GRAMD1C: variants seen among roughly 807,000 people sequenced by gnomAD.
GRAMD1C encodes the protein GRAM domain containing 1C, also known as protein Aster-C.
Under a neutral mutation model 97.8 loss-of-function variants are expected in GRAMD1C, and 89 were observed. The observed-to-expected ratio is 0.91, with a 90% CI of 0.77 to 1.09. The LOEUF (loss-of-function observed/expected upper bound fraction) is 1.09. Among genes scored for constraint, GRAMD1C ranks in the 50% least tolerant of loss-of-function variants. The probability of loss-of-function intolerance (pLI) is 0.00; values close to 1 mark genes in which losing one functional copy is unlikely to be tolerated. For synonymous variants in GRAMD1C, 256 were observed against 267.0 expected, an observed-to-expected ratio of 0.96 and a Z score of 0.40; for missense variants, 740 against 766.4, an observed-to-expected ratio of 0.97 and a Z score of 0.41.
Position 113,857,656 on chromosome 3 carries a change from A to G in GRAMD1C, c.175-11851A>G, listed in dbSNP as rs527854024. ...CTCCCAAAGTGCTGGGATTACAGGCATGAGCCACCGTGTCCAGCCTGTATT... is the reference window on the plus strand; with the variant it reads ...CTCCCAAAGTGCTGGGATTACAGGCGTGAGCCACCGTGTCCAGCCTGTATT... On this transcript the variant is annotated intron_variant, in intron 2 of 17. Coordinates refer to ENST00000358160, the MANE Select transcript of GRAMD1C (RefSeq NM_017577.5). Among the ~76,000 whole-genome samples, 302 of 152,284 alleles carry G rather than the reference A, an allele frequency of 2.0e-3. 4 individuals carry two copies. In the Middle Eastern group the frequency reaches 0.027, roughly 14 times the overall value.
At chr3:113,844,262 C>G (rs1382857777) in intron 1 of GRAMD1C, among the ~76,000 whole-genome samples, 2 of 151,812 alleles carry the variant, frequency 1.3e-5, no homozygotes, top group Non-Finnish European at 1.5e-5. Context: ...CCATTACACT[C>G]CAGTCTGGGT....
rs3995901 is a variant in GRAMD1C at position 113,857,409 on chromosome 3, T to A, written c.175-12098T>A. On this transcript the variant is annotated intron_variant, in intron 2 of 17. Transcript: ENST00000358160. ...TTTTTTTTTTGAGACGGAGTCTTGCTCTGTCGCCCAGGCTGGGGTGCAGTG... is the reference window on the plus strand; with the variant it reads ...TTTTTTTTTTGAGACGGAGTCTTGCACTGTCGCCCAGGCTGGGGTGCAGTG... 5.4e-5 allele frequency among the ~76,000 whole-genome samples: 8 copies of A among 148,798 alleles called. No individual in the cohort carries two copies. The East Asian group carries it at 8.0e-4, about 15-fold the overall frequency.
intron 7 of GRAMD1C, among the ~76,000 whole-genome samples, chr3:113,903,584 T>C (rs938117422): frequency 6.6e-6 from 1 of 152,206 alleles, no homozygotes; most frequent in Admixed American, 6.5e-5. Context: ...ACATTTATTA[T>C]AGTCTTGGCC....
intron 2 of GRAMD1C, among the ~76,000 whole-genome samples, chr3:113,853,151 T>C (rs1366075883): frequency 6.6e-6 from 1 of 152,126 alleles, no homozygotes; most frequent in African/African-American, 2.4e-5. Flanking sequence ...ACCAGGCAGA[T>C]TTGAAAAAAT....
At chr3:113,910,391 A>G (rs944795220) in intron 9 of GRAMD1C, among the ~76,000 whole-genome samples, 4 of 152,210 alleles carry the variant, frequency 2.6e-5, no homozygotes, top group Admixed American at 2.0e-4. Flanking sequence ...TCAAAAAACA[A>G]AACAAAACAG....
At chr3:113,885,573 T>G in intron 6 of GRAMD1C, 1 of 1,558,542 alleles carries the variant, frequency 6.4e-7, no homozygotes, top group African/African-American at 1.4e-5. Context: ...GCCTCCTGAC[T>G]TCATCCTCAA....
intron 6 of GRAMD1C, among the ~76,000 whole-genome samples, chr3:113,884,737 G>A (rs1287413094): frequency 6.6e-6 from 1 of 151,954 alleles, no homozygotes; most frequent in Non-Finnish European, 1.5e-5. Context: ...TACTCGGGAG[G>A]CTGAGGCAGG....
At chr3:113,859,572 AC>A (rs1934285738) in intron 2 of GRAMD1C, among the ~76,000 whole-genome samples, 1 of 152,196 alleles carries the variant, frequency 6.6e-6, no homozygotes, top group East Asian at 1.9e-4. Flanking sequence ...ACCTTAGAGA[AC>A]CTAGATTAAC....
chr3:113,890,598 G>A (rs999986297), intron 6 of GRAMD1C: 3 of 548,996 alleles, frequency 5.5e-6, no homozygotes, highest in Non-Finnish European at 9.8e-6. Context: ...GTTGCCATAG[G>A]GACCTGGCTA....
chr3:113,915,430 GTA>G (rs1276939606), intron 9 of GRAMD1C, among the ~76,000 whole-genome samples: 1 of 152,026 alleles, frequency 6.6e-6, no homozygotes, highest in Non-Finnish European at 1.5e-5. Flanking sequence ...AAATATTTCT[GTA>G]TCTTTTGGGT....
At chr3:113,838,289 T>G (rs1246154048), upstream of GRAMD1C, 1 of 152,316 alleles carries the variant, frequency 6.6e-6, no homozygotes, top group Non-Finnish European at 1.5e-5. Flanking sequence ...AAGAGTTTCC[T>G]GGCCGGGGGC....
intron 10 of GRAMD1C, among the ~76,000 whole-genome samples, chr3:113,927,179 G>A (rs1358105010): frequency 1.3e-5 from 2 of 151,932 alleles, no homozygotes; most frequent in African/African-American, 4.8e-5. Context: ...AGTATTAGCT[G>A]GCAGATAGGC....
chr3:113,939,197 CAG>C (rs1346517232), intron 15 of GRAMD1C: 4 of 151,978 alleles, frequency 2.6e-5, no homozygotes, highest in African/African-American at 9.7e-5. Context: ...AAAAAGTAGA[CAG>C]ATATGATGCC....
At chr3:113,924,758 G>A (rs1937178946) in intron 10 of GRAMD1C, among the ~76,000 whole-genome samples, 2 of 152,152 alleles carry the variant, frequency 1.3e-5, no homozygotes, top group Admixed American at 6.5e-5. Flanking sequence ...TTTTGGGGTG[G>A]AGAGCTCTGT....
chr3:113,908,880 C>G (rs1029401920), intron 8 of GRAMD1C, 78 bp from the exon 9 acceptor site: 7 of 738,020 alleles, frequency 9.5e-6, no homozygotes, highest in Non-Finnish European at 1.3e-5. Flanking sequence ...TTCAAAGTAT[C>G]TTTAATATTA....
At position 113,930,785 on chromosome 3, in the gene GRAMD1C, C is replaced by T. The variant is rs1395731680; in HGVS notation, c.1162C>T (p.Leu388Phe). 1.2e-6 allele frequency: 2 copies of T among 1,611,206 alleles called. No homozygotes were observed. The highest frequency in any genetic ancestry group is 2.7e-5 in the African/African-American group (2 of 74,860). Reference sequence around the variant, plus strand: ...GAGAACGATGACCTACACTATAGTCCTTAATAGTCCACTTACTGGAAAATG... The same window carrying T: ...GAGAACGATGACCTACACTATAGTCTTTAATAGTCCACTTACTGGAAAATG... Reference protein sequence around the residue: ...QLRTMTYTIVLNSPLTGKCTA... With the variant: ...QLRTMTYTIVFNSPLTGKCTA... The change falls in exon 11 of 18, where the codon CTT becomes TTT. Residue 388 changes from leucine (L) to phenylalanine (F), a missense_variant. Transcript: ENST00000358160.
chr3:113,901,712 C>A (rs1351884492), intron 7 of GRAMD1C, among the ~76,000 whole-genome samples: 1 of 152,086 alleles, frequency 6.6e-6, no homozygotes, highest in African/African-American at 2.4e-5. Flanking sequence ...GATGAGGATT[C>A]ATTTAGAAGA....
Position 113,939,995 on chromosome 3 carries a change from A to C in GRAMD1C, c.1801A>C (p.Asn601His). The C allele has an allele frequency of 1.3e-6, 2 of 1,506,314 alleles. No homozygotes were observed. The highest frequency in any genetic ancestry group is 1.8e-6 in the Non-Finnish European group (2 of 1,081,710). 93.3% of individuals were successfully genotyped at this position (1,506,314 alleles called of 1,614,324 possible). ...CCGCCTCCAAGAAGAGAAATCTTTAAAGTAAGTCTTTTTCCCCCTGACCTG... is the reference window on the plus strand; with the variant it reads ...CCGCCTCCAAGAAGAGAAATCTTTACAGTAAGTCTTTTTCCCCCTGACCTG... ...RLRLQEEKSL[N>H]LASDMVSRAE... Residue 601 changes from asparagine (N) to histidine (H), a missense_variant and splice_region_variant, in exon 16 of 18, where the codon AAT (asparagine) becomes CAT (histidine). By Grantham distance (68) the Asn-to-His change is moderately conservative. Coordinates refer to ENST00000358160, the MANE Select transcript of GRAMD1C (RefSeq NM_017577.5).
chr3:113,904,266 A>G lies in GRAMD1C; in HGVS notation c.783A>G (p.Ser261=). The change falls in exon 8 of 18, where the codon TCA becomes TCG. Residue 261 remains serine (S), a synonymous_variant. Coordinates refer to ENST00000358160, the MANE Select transcript of GRAMD1C (RefSeq NM_017577.5). The part of the protein sequence containing the change: ...SETESFDGNS[S]KGGLGKEESQ... ...CAGAGTCATTCGATGGAAATTCATC[A>G]AAAGGAGTTAGTATATGATATCCCT... 6.3e-7 allele frequency: 1 copy of G among 1,598,794 alleles called. No individual in the cohort carries two copies. The highest frequency in any genetic ancestry group is 1.1e-5 in the South Asian group (1 of 90,764).
Sources: allele counts gnomAD v4.1 joint callset (sites outside exome capture counted in the v4.1 genomes callset), GRCh38; gene constraint gnomAD v4.1.1; transcripts MANE v1.5; gene names NCBI Gene and HGNC (gene_info 2026-07-23, HGNC 2026-07-21).